The following KLHL2 variants were observed in gnomAD, a reference collection of about 807,000 sequenced individuals.
KLHL2 encodes the protein kelch like family member 2.
In KLHL2, 15 loss-of-function variants were observed where a neutral mutation model predicts 75.8. The observed-to-expected ratio is 0.20, with a 90% CI of 0.13 to 0.30. KLHL2 has a LOEUF of 0.30. Among genes scored for constraint, KLHL2 ranks in the 10% least tolerant of loss-of-function variants. KLHL2 has a pLI of 1.00. For synonymous variants in KLHL2, 214 were observed against 251.9 expected, an observed-to-expected ratio of 0.85 and a Z score of 1.42; for missense variants, 381 against 741.0, an observed-to-expected ratio of 0.51 and a Z score of 5.64.
chr4:165,310,889 C>G lies in KLHL2; in HGVS notation c.1237+139C>G, dbSNP rs1746116767. The stretch of plus-strand genomic sequence containing the variant: ...TTTTTTTTTGAGATGGAGTCTTGCT[C>G]CGTCGCCCAGGCTGGAGTACAGTGG... On this transcript the variant is annotated intron_variant, in intron 10 of 14. Transcript: ENST00000226725. 4.6e-6 allele frequency: 3 copies of G among 655,296 alleles called. No homozygotes were observed. The African/African-American group carries it at 5.9e-5, about 13-fold the overall frequency. 40.6% of individuals were successfully genotyped at this position (655,296 alleles called of 1,614,324 possible). A position where few individuals can be genotyped will look rare whatever the true frequency, so the allele number is the denominator to read the frequency against.
At chr4:165,292,060 G>A (rs1322257611) in intron 5 of KLHL2, among the ~76,000 whole-genome samples, 1 of 151,906 alleles carries the variant, frequency 6.6e-6, no homozygotes, top group Admixed American at 6.5e-5. Context: ...TGCTATAGTT[G>A]TTTTTTATTG....
intron 4 of KLHL2, among the ~76,000 whole-genome samples, chr4:165,242,020 AG>A (rs1207732722): frequency 1.3e-5 from 2 of 151,916 alleles, no homozygotes; most frequent in Admixed American, 6.6e-5. Context: ...TTGTTTGTTT[AG>A]GTTTTTAAAC....
chr4:165,289,738 C>G (rs1744363202), intron 5 of KLHL2, among the ~76,000 whole-genome samples: 1 of 152,108 alleles, frequency 6.6e-6, no homozygotes, highest in Non-Finnish European at 1.5e-5. Context: ...TTTAAAAAAT[C>G]ACCACCAAGT....
chr4:165,234,508 T>A (rs1739168674), intron 3 of KLHL2, among the ~76,000 whole-genome samples: 1 of 152,206 alleles, frequency 6.6e-6, no homozygotes. Context: ...TTAAACCTAT[T>A]CACTTTTCAT....
chr4:165,302,304 TTAAGTC>T (rs141512271), intron 8 of KLHL2, among the ~76,000 whole-genome samples: 2,312 of 152,346 alleles, frequency 0.015, 58 homozygotes, highest in African/African-American at 0.053. Context: ...TATGTTCAGA[TTAAGTC>T]TAAGGAGTTG....
rs529352417 is a variant in KLHL2 at position 165,240,890 on chromosome 4, G to A, written c.381+1991G>A. Among the ~76,000 whole-genome samples the A allele has an allele frequency of 2.6e-3, 396 of 152,268 alleles. 4 individuals carry two copies. Among genetic ancestry groups the A allele is most frequent in the African/African-American group, 8.5e-3 (355 of 41,546 alleles). ...TGTTTGTAGTAGTTCTTGTGGTGGG[G>A]ACATGGGCCTATTAGGAATTAGGAG... On this transcript the variant is annotated intron_variant, in intron 4 of 14. Transcript: ENST00000226725.
intron 5 of KLHL2, among the ~76,000 whole-genome samples, chr4:165,281,306 TCTC>T (rs1560800993): frequency 1.4e-5 from 2 of 140,276 alleles, no homozygotes; most frequent in African/African-American, 6.2e-5. Flanking sequence ...TCTCTCTCTC[TCTC>T]TTTTTTTTTT....
intron 5 of KLHL2, chr4:165,278,913 C>G (rs1304389690): frequency 7.1e-7 from 1 of 1,410,966 alleles, no homozygotes; most frequent in African/African-American, 1.4e-5. Flanking sequence ...AAGGCCCCCG[C>G]TTTCATTAGG....
intron 8 of KLHL2, among the ~76,000 whole-genome samples, chr4:165,304,127 C>A (rs1392426753): frequency 6.6e-6 from 1 of 151,868 alleles, no homozygotes; most frequent in Non-Finnish European, 1.5e-5. Context: ...ATGATCTGTC[C>A]GCTTCAGCCT....
chr4:165,309,539 A>G (rs1745991656), intron 9 of KLHL2, among the ~76,000 whole-genome samples: 1 of 152,236 alleles, frequency 6.6e-6, no homozygotes, highest in Admixed American at 6.5e-5. Flanking sequence ...CTTTGTGGTT[A>G]TATGGTCTCT....
At chr4:165,314,269 T>C (rs773821524) in intron 13 of KLHL2, 103 bp downstream of exon 13, 62 of 1,134,656 alleles carry the variant, frequency 5.5e-5, no homozygotes, top group Non-Finnish European at 7.1e-5. Context: ...ATTGTTCTTT[T>C]ACTGATCTGG....
intron 13 of KLHL2, among the ~76,000 whole-genome samples, chr4:165,317,513 C>T (rs1260387981): frequency 6.6e-6 from 1 of 152,004 alleles, no homozygotes; most frequent in Non-Finnish European, 1.5e-5. Context: ...CACAGGCACA[C>T]TCCCCCATGC....
At chr4:165,277,302 A>G (rs1270841582) in intron 5 of KLHL2, among the ~76,000 whole-genome samples, 3 of 152,252 alleles carry the variant, frequency 2.0e-5, no homozygotes, top group South Asian at 2.1e-4. Context: ...ATCCTTTCCT[A>G]TAAGATCTAG....
At position 165,273,578 on chromosome 4, in the gene KLHL2, A is replaced by C. The variant is rs1188252200; in HGVS notation, c.544+10219A>C. 2.6e-5 allele frequency among the ~76,000 whole-genome samples: 4 copies of C among 152,272 alleles called. No homozygotes were observed. In the East Asian group the frequency reaches 7.7e-4, roughly 29 times the overall value. The stretch of plus-strand genomic sequence containing the variant: ...TGTTCTTGTGATAGTAAGTCTCACA[A>C]GATCTGATGGTTTTAAAAATGGGAG... On this transcript the variant is annotated intron_variant, in intron 5 of 14. Transcript: ENST00000226725.
chr4:165,240,848 A>C (rs766899340), intron 4 of KLHL2, among the ~76,000 whole-genome samples: 6 of 152,234 alleles, frequency 3.9e-5, no homozygotes, highest in Non-Finnish European at 8.8e-5. Context: ...AAACTGTGTG[A>C]ATTCAGCCCT....
intron 3 of KLHL2, among the ~76,000 whole-genome samples, chr4:165,235,820 A>G (rs1739300454): frequency 6.6e-6 from 1 of 152,226 alleles, no homozygotes; most frequent in Non-Finnish European, 1.5e-5. Flanking sequence ...AGAGAGGACA[A>G]TGTTCAACAA....
chr4:165,217,770 TG>T, intron 1 of KLHL2, among the ~76,000 whole-genome samples: 1 of 152,354 alleles, frequency 6.6e-6, no homozygotes, highest in East Asian at 1.9e-4. Context: ...CCCACATTTC[TG>T]ACTCCAGCTA....
At chr4:165,306,176 T>C (rs995951530) in intron 9 of KLHL2, among the ~76,000 whole-genome samples, 8 of 152,246 alleles carry the variant, frequency 5.3e-5, no homozygotes, top group Admixed American at 1.3e-4. Context: ...AAGAAGCAGT[T>C]ATTATACAAA....
chr4:165,276,425 G>A (rs1020927358), intron 5 of KLHL2, among the ~76,000 whole-genome samples: 26 of 151,866 alleles, frequency 1.7e-4, no homozygotes, highest in African/African-American at 5.3e-4. Flanking sequence ...CAGACTTCTC[G>A]AAGGGATCAC....
Sources: gnomAD v4.1 joint callset for allele counts (sites outside exome capture counted in the v4.1 genomes callset) on GRCh38, gnomAD v4.1.1 for gene constraint, MANE v1.5 for transcripts, NCBI Gene and HGNC (gene_info 2026-07-23, HGNC 2026-07-21) for gene names.